Variants in ZBTB7C observed in about 807,000 individuals in gnomAD.
ZBTB7C encodes the protein zinc finger and BTB domain-containing protein 7C.
Under a neutral mutation model 25.7 loss-of-function variants are expected in ZBTB7C, and 8 were observed. That is an observed-to-expected ratio of 0.31 (90% CI 0.18 to 0.56). The LOEUF (loss-of-function observed/expected upper bound fraction) is 0.56. Ranked by LOEUF, ZBTB7C falls within the 20% of genes least tolerant of loss-of-function variation. The probability of loss-of-function intolerance (pLI) is 0.91; values close to 1 mark genes in which losing one functional copy is unlikely to be tolerated. For synonymous variants in ZBTB7C, 394 were observed against 369.0 expected (o/e 1.07, Z -0.78); for missense variants, 824 against 855.2 (o/e 0.96, Z 0.46).
chr18:48,037,258 A>C (rs953592398), intron 4 of ZBTB7C, among the ~76,000 whole-genome samples: 5 of 152,250 alleles, frequency 3.3e-5, no homozygotes, highest in African/African-American at 1.2e-4. Flanking sequence ...CTGGGGCCAG[A>C]TGGCCGTCAT....
At chr18:48,137,081 C>CAT in intron 3 of ZBTB7C, 1 of 985,440 alleles carries the variant, frequency 1.0e-6, no homozygotes, top group Non-Finnish European at 1.2e-6. Flanking sequence ...GCTGGGAATC[C>CAT]ACGCGGCCGC....
intron 1 of ZBTB7C, among the ~76,000 whole-genome samples, chr18:48,376,118 C>T (rs967579214): frequency 6.6e-6 from 1 of 152,154 alleles, no homozygotes; most frequent in Admixed American, 6.5e-5. Context: ...CTGCTAGTCC[C>T]GGGACCACAC....
Position 48,103,002 on chromosome 18 carries a change from A to G in ZBTB7C, c.-16-61879T>C, listed in dbSNP as rs139425815. 6.7e-4 allele frequency among the ~76,000 whole-genome samples: 101 copies of G among 150,052 alleles called. No individual in the cohort carries two copies. In the East Asian group the frequency reaches 0.013, roughly 19 times the overall value. ...GAAGAGAGGCAGGAAAGACAAATAT[A>G]AGACAGGGAAGGTGTGGATATATTA... On this transcript the variant is annotated intron_variant, in intron 3 of 4. Transcript: ENST00000590800.
upstream of ZBTB7C, among the ~76,000 whole-genome samples, chr18:48,410,179 C>T (rs544668057): frequency 9.2e-5 from 14 of 152,238 alleles, no homozygotes; most frequent in Admixed American, 1.3e-4. Context: ...CTCGGCACTC[C>T]AGCGAGCGCA....
At chr18:48,189,400 A>G (rs541908125) in intron 2 of ZBTB7C, among the ~76,000 whole-genome samples, 25 of 152,224 alleles carry the variant, frequency 1.6e-4, no homozygotes, top group African/African-American at 5.8e-4. Context: ...AAGCCTCAAA[A>G]ATAATGTTAG....
At chr18:48,394,734 T>C (rs1475419027) in intron 1 of ZBTB7C, among the ~76,000 whole-genome samples, 1 of 152,156 alleles carries the variant, frequency 6.6e-6, no homozygotes, top group East Asian at 1.9e-4. Flanking sequence ...TCTACTACTA[T>C]ATTGAGATTT....
chr18:48,376,068 G>T (rs1340001942), intron 1 of ZBTB7C, among the ~76,000 whole-genome samples: 1 of 152,188 alleles, frequency 6.6e-6, no homozygotes, highest in Non-Finnish European at 1.5e-5. Flanking sequence ...GTGGGACTGG[G>T]GAATTTGCTT....
intron 3 of ZBTB7C, among the ~76,000 whole-genome samples, chr18:48,085,740 A>T (rs1021004390): frequency 6.6e-6 from 1 of 152,248 alleles, no homozygotes; most frequent in Non-Finnish European, 1.5e-5. Context: ...GTCATGAAGA[A>T]CTGGGCTTTG....
intron 2 of ZBTB7C, among the ~76,000 whole-genome samples, chr18:48,337,629 C>G (rs1598900942): frequency 6.6e-6 from 1 of 152,220 alleles, no homozygotes; most frequent in Admixed American, 6.5e-5. Flanking sequence ...CCTGGGCATT[C>G]TTGAAAGAAT....
chr18:48,237,558 C>G (rs1168842663), intron 2 of ZBTB7C, among the ~76,000 whole-genome samples: 1 of 152,020 alleles, frequency 6.6e-6, no homozygotes, highest in Non-Finnish European at 1.5e-5. Flanking sequence ...ATTGAAAGCT[C>G]TGACAATACT....
At chr18:48,113,412 G>A (rs1259959428) in intron 3 of ZBTB7C, among the ~76,000 whole-genome samples, 1 of 152,228 alleles carries the variant, frequency 6.6e-6, no homozygotes, top group Non-Finnish European at 1.5e-5. Flanking sequence ...ACTCAAAAAA[G>A]GATAATTGGA....
chr18:48,257,315 T>C (rs1362892027), intron 2 of ZBTB7C, among the ~76,000 whole-genome samples: 1 of 152,110 alleles, frequency 6.6e-6, no homozygotes, highest in African/African-American at 2.4e-5. Context: ...GAAACTACTA[T>C]ATACCCAATA....
chr18:48,211,757 A>G (rs1255209464), intron 2 of ZBTB7C, among the ~76,000 whole-genome samples: 1 of 152,210 alleles, frequency 6.6e-6, no homozygotes, highest in Non-Finnish European at 1.5e-5. Flanking sequence ...AAAATGATAC[A>G]GCCACTGTGG....
intron 4 of ZBTB7C, among the ~76,000 whole-genome samples, chr18:48,030,635 G>C (rs898207140): frequency 6.6e-6 from 1 of 152,196 alleles, no homozygotes; most frequent in African/African-American, 2.4e-5. Flanking sequence ...GTGTAGGGTG[G>C]GGGCGCCTGC....
chr18:48,222,704 T>C (rs2042992669), intron 2 of ZBTB7C, among the ~76,000 whole-genome samples: 1 of 152,134 alleles, frequency 6.6e-6, no homozygotes, highest in Non-Finnish European at 1.5e-5. Flanking sequence ...TCTTCTTGCC[T>C]TAAAATGTGT....
At chr18:48,329,941 C>T (rs2046306696) in intron 2 of ZBTB7C, among the ~76,000 whole-genome samples, 1 of 152,230 alleles carries the variant, frequency 6.6e-6, no homozygotes, top group Admixed American at 6.5e-5. Flanking sequence ...CCCCATGTTA[C>T]ACTTGCGGAC....
chr18:48,237,404 C>T (rs2043408722), intron 2 of ZBTB7C, among the ~76,000 whole-genome samples: 1 of 152,012 alleles, frequency 6.6e-6, no homozygotes, highest in South Asian at 2.1e-4. Flanking sequence ...CTGAGACTCC[C>T]AACCATAGAA....
At chr18:48,318,527 T>C (rs1170972958) in intron 2 of ZBTB7C, among the ~76,000 whole-genome samples, 6 of 152,146 alleles carry the variant, frequency 3.9e-5, no homozygotes, top group Admixed American at 1.3e-4. Flanking sequence ...TTCCTCACAC[T>C]AGGAGGGTCG....
intron 2 of ZBTB7C, among the ~76,000 whole-genome samples, chr18:48,317,865 AG>A (rs2045986916): frequency 6.6e-6 from 1 of 152,194 alleles, no homozygotes. Context: ...GGGGTGGGCC[AG>A]GGCATCAGAA....
Sources: gnomAD v4.1 joint callset for allele counts (sites outside exome capture counted in the v4.1 genomes callset) on GRCh38, gnomAD v4.1.1 for gene constraint, MANE v1.5 for transcripts, NCBI Gene and HGNC (gene_info 2026-07-23, HGNC 2026-07-21) for gene names.